EPHA7: variants seen among roughly 807,000 people sequenced by gnomAD.
EPHA7 encodes EPH receptor A7.
A neutral mutation model predicts 112.6 loss-of-function variants in EPHA7; 25 were observed. The observed-to-expected ratio is 0.22, with a 90% confidence interval of 0.16 to 0.31. The LOEUF is 0.31. Ranked by LOEUF, EPHA7 falls within the 10% of genes least tolerant of loss-of-function variation. The pLI is 1.00. For synonymous variants in EPHA7, 437 were observed against 406.5 expected (o/e 1.07, Z -0.90); for missense variants, 962 against 1,212.6 (o/e 0.79, Z 3.07).
chr6:93,243,300 ATCT>A lies in EPHA7; in HGVS notation c.*123_*125del, dbSNP rs1426773311. 1.6e-6 allele frequency: 1 copy of A among 607,946 alleles called. No individual in the cohort carries two copies. Among genetic ancestry groups the A allele is most frequent in the East Asian group, 2.8e-5 (1 of 35,124 alleles). The allele number at this position is 607,946 out of a possible 1,614,324, so 37.7% of individuals were successfully genotyped here. ...GTTCAAGTCTATAGGTGCTTCTTAA[ATCT>A]TCTCTTCACTGTTGGAAGGACCCAG... On this transcript the variant is annotated 3_prime_UTR_variant, in exon 17 of 17. Coordinates refer to ENST00000369303, the MANE Select transcript of EPHA7 (RefSeq NM_004440.4).
chr6:93,320,474 C>G (rs1394065761), intron 5 of EPHA7, among the ~76,000 whole-genome samples: 1 of 151,862 alleles, frequency 6.6e-6, no homozygotes, highest in Non-Finnish European at 1.5e-5. Flanking sequence ...CAATCATTAG[C>G]AGAAAATGAT....
At chr6:93,266,480 T>G (rs1336562843) in intron 7 of EPHA7, among the ~76,000 whole-genome samples, 3 of 151,720 alleles carry the variant, frequency 2.0e-5, no homozygotes, top group Non-Finnish European at 2.9e-5. Flanking sequence ...AATCTTTCCA[T>G]AGTTGACATT....
At position 93,241,547 on chromosome 6, in the gene EPHA7, A is replaced by G. The variant is rs990104143; in HGVS notation, c.*1879T>C. On this transcript the variant is annotated 3_prime_UTR_variant, in exon 17 of 17. Transcript: ENST00000369303. ...TTTCCTTAGGGACAAAAAACATTTT[A>G]GTGAAATTAAAATGATTTTTCTAGT... 4.6e-6 allele frequency: 1 copy of G among 215,992 alleles called. No individual in the cohort carries two copies. The highest frequency in any genetic ancestry group is 2.3e-5 in the African/African-American group (1 of 44,370). The allele number at this position is 215,992 out of a possible 1,614,324, so 13.4% of individuals were successfully genotyped here.
At chr6:93,352,379 C>G (rs1270073379) in intron 5 of EPHA7, among the ~76,000 whole-genome samples, 2 of 152,098 alleles carry the variant, frequency 1.3e-5, no homozygotes, top group Admixed American at 6.6e-5. Flanking sequence ...TTACCATGTT[C>G]TGATTACAGA....
intron 3 of EPHA7, among the ~76,000 whole-genome samples, chr6:93,388,721 A>G (rs1777755835): frequency 1.3e-5 from 2 of 152,106 alleles, no homozygotes; most frequent in South Asian, 4.1e-4. Flanking sequence ...TCCAGGCAGA[A>G]AATTACAATA....
chr6:93,403,671 A>G (rs1221004943), intron 3 of EPHA7, among the ~76,000 whole-genome samples: 1 of 151,914 alleles, frequency 6.6e-6, no homozygotes, highest in African/African-American at 2.4e-5. Flanking sequence ...TAAAAAAAAA[A>G]AAAAAAGAAA....
chr6:93,378,989 C>T (rs1034256103), intron 3 of EPHA7, among the ~76,000 whole-genome samples: 1 of 151,876 alleles, frequency 6.6e-6, no homozygotes, highest in Non-Finnish European at 1.5e-5. Context: ...CTAGCCATTC[C>T]ACATAGAAAT....
intron 9 of EPHA7, among the ~76,000 whole-genome samples, chr6:93,262,219 T>C (rs1770718433): frequency 6.6e-6 from 1 of 151,456 alleles, no homozygotes; most frequent in South Asian, 2.1e-4. Flanking sequence ...TCTCACATGT[T>C]ATTAAATAGA....
chr6:93,339,869 ACTGGAC>A (rs2127918370), intron 5 of EPHA7, among the ~76,000 whole-genome samples: 1 of 151,830 alleles, frequency 6.6e-6, no homozygotes, highest in Admixed American at 6.6e-5. Flanking sequence ...TAAATACTAA[ACTGGAC>A]CCTATTTATT....
chr6:93,333,323 C>A (rs1178933230), intron 5 of EPHA7, among the ~76,000 whole-genome samples: 1 of 151,744 alleles, frequency 6.6e-6, no homozygotes, highest in East Asian at 1.9e-4. Flanking sequence ...GACTTTGCTA[C>A]TGTAAATTGT....
intron 5 of EPHA7, among the ~76,000 whole-genome samples, chr6:93,283,692 C>T (rs1048534596): frequency 1.3e-5 from 2 of 152,040 alleles, no homozygotes; most frequent in African/African-American, 2.4e-5. Flanking sequence ...CAAACACATC[C>T]GAATATCAGA....
chr6:93,368,638 C>A (rs1582609274), intron 3 of EPHA7, among the ~76,000 whole-genome samples: 1 of 152,068 alleles, frequency 6.6e-6, no homozygotes, highest in Non-Finnish European at 1.5e-5. Flanking sequence ...GTGGTGCAAG[C>A]CTTGAAAAAT....
intron 5 of EPHA7, among the ~76,000 whole-genome samples, chr6:93,337,468 T>G (rs879494545): frequency 5.3e-5 from 8 of 152,176 alleles, no homozygotes; most frequent in Non-Finnish European, 1.2e-4. Flanking sequence ...AAAATCAGTT[T>G]GGGCATTGTG....
chr6:93,256,564 G>T (rs1770448297), intron 12 of EPHA7, among the ~76,000 whole-genome samples: 1 of 151,964 alleles, frequency 6.6e-6, no homozygotes, highest in African/African-American at 2.4e-5. Context: ...TCTTAGTTTT[G>T]CTACTGATAG....
chr6:93,324,100 T>A (rs772335921), intron 5 of EPHA7, among the ~76,000 whole-genome samples: 2 of 151,454 alleles, frequency 1.3e-5, no homozygotes, highest in Non-Finnish European at 3.0e-5. Context: ...AAGGCAGAAG[T>A]ATTGCTACTG....
Position 93,264,039 on chromosome 6 carries a change from C to A in EPHA7, c.1743-124G>T, listed in dbSNP as rs189254865. 1,128 of 573,312 alleles carry A rather than the reference C, an allele frequency of 2.0e-3. 2 individuals carry two copies. The highest frequency in any genetic ancestry group is 9.7e-3 in the Middle Eastern group (21 of 2,174). The allele number at this position is 573,312 out of a possible 1,614,324, so 35.5% of individuals were successfully genotyped here. On this transcript the variant is annotated intron_variant, in intron 8 of 16. Transcript: ENST00000369303. ...AAATTTACTGTTCATAGTTATGAATCCATTTAGTAATAATATAGCGATTCA... is the reference window on the plus strand; with the variant it reads ...AAATTTACTGTTCATAGTTATGAATACATTTAGTAATAATATAGCGATTCA...
chr6:93,356,613 G>C, intron 5 of EPHA7, 104 bp downstream of exon 5: 1 of 1,072,578 alleles, frequency 9.3e-7, no homozygotes, highest in Non-Finnish European at 1.4e-6. Flanking sequence ...CAACAAGCTG[G>C]AAGAATCAAG....
chr6:93,305,983 G>A (rs569929098), intron 5 of EPHA7, among the ~76,000 whole-genome samples: 9 of 151,598 alleles, frequency 5.9e-5, no homozygotes, highest in Admixed American at 2.6e-4. Flanking sequence ...ATAAAATATC[G>A]GAATATAATT....
chr6:93,341,453 C>T (rs751966048), intron 5 of EPHA7, among the ~76,000 whole-genome samples: 12 of 151,078 alleles, frequency 7.9e-5, no homozygotes, highest in Admixed American at 4.0e-4. Context: ...TAATCAGTTT[C>T]GGAAATTAAG....
Sources: gnomAD v4.1 joint callset for allele counts (sites outside exome capture counted in the v4.1 genomes callset) on GRCh38, gnomAD v4.1.1 for gene constraint, MANE v1.5 for transcripts, NCBI Gene and HGNC (gene_info 2026-07-23, HGNC 2026-07-21) for gene names.